The following DNAI4 variants were observed in gnomAD, a reference collection of about 807,000 sequenced individuals.
DNAI4 encodes dynein axonemal intermediate chain 4.
DNAI4 carries 85 observed loss-of-function variants against 105.8 expected under a neutral mutation model. The ratio of observed to expected loss-of-function variants is 0.80; its 90% CI spans 0.67 to 0.96. DNAI4 has a LOEUF of 0.96. DNAI4 is among the 40% of genes least tolerant of loss of function. The pLI is 0.00. For synonymous variants in DNAI4, 352 were observed against 331.5 expected (o/e 1.06, Z -0.67); for missense variants, 1,014 against 1,005.6 (o/e 1.01, Z -0.11).
intron 1 of DNAI4, among the ~76,000 whole-genome samples, chr1:66,905,958 C>G (rs535802737): frequency 2.4e-4 from 29 of 121,982 alleles, no homozygotes; most frequent in Admixed American, 9.1e-4. Flanking sequence ...GAGTCTCGCT[C>G]TGTCACCCTG....
chr1:66,870,790 CTT>C (rs1333270782), intron 6 of DNAI4: 1 of 100,906 alleles, frequency 9.9e-6, no homozygotes, highest in Non-Finnish European at 2.0e-5. Flanking sequence ...AAAAATATAA[CTT>C]TGCTTGTAAT....
intron 8 of DNAI4, among the ~76,000 whole-genome samples, chr1:66,844,447 C>T (rs1342157617): frequency 6.6e-6 from 1 of 151,974 alleles, no homozygotes; most frequent in Admixed American, 6.6e-5. Flanking sequence ...CCTATAATCC[C>T]AGCTACTAGG....
At chr1:66,909,240 C>T (rs1294810008) in intron 1 of DNAI4, among the ~76,000 whole-genome samples, 1 of 148,756 alleles carries the variant, frequency 6.7e-6, no homozygotes, top group Non-Finnish European at 1.5e-5. Context: ...TTAATTACAG[C>T]AAACCCTTGG....
intron 8 of DNAI4, among the ~76,000 whole-genome samples, chr1:66,845,190 C>CAAAAAAAAAAAAAAAAAA (rs59265844): frequency 9.4e-6 from 1 of 106,318 alleles, no homozygotes; most frequent in African/African-American, 4.0e-5. Flanking sequence ...AACTCCATCT[C>CAAAAAAAAAAAAAAAAAA]AAAAAAAAAA....
chr1:66,860,451 T>A (rs1646601677), intron 7 of DNAI4, among the ~76,000 whole-genome samples: 1 of 152,142 alleles, frequency 6.6e-6, no homozygotes, highest in South Asian at 2.1e-4. Context: ...GATCTGAATT[T>A]CCTTTACATT....
At chr1:66,846,750 G>C (rs921139977) in intron 8 of DNAI4, among the ~76,000 whole-genome samples, 3 of 152,182 alleles carry the variant, frequency 2.0e-5, no homozygotes, top group African/African-American at 7.2e-5. Flanking sequence ...TGGAACTTGA[G>C]ATCAAAAGAC....
At chr1:66,881,093 C>T (rs577408593) in intron 4 of DNAI4, among the ~76,000 whole-genome samples, 270 of 152,318 alleles carry the variant, frequency 1.8e-3, no homozygotes, top group Non-Finnish European at 2.6e-3. Flanking sequence ...TGAGAACCTC[C>T]CCCTAGATTT....
intron 6 of DNAI4, among the ~76,000 whole-genome samples, chr1:66,868,803 C>T (rs1048624950): frequency 6.6e-6 from 1 of 151,946 alleles, no homozygotes; most frequent in Admixed American, 6.6e-5. Flanking sequence ...ATTGGCCAGG[C>T]ACAGTGGCTC....
chr1:66,823,177 C>G (rs562933261), intron 15 of DNAI4, among the ~76,000 whole-genome samples: 1 of 135,538 alleles, frequency 7.4e-6, no homozygotes, highest in South Asian at 2.7e-4. Flanking sequence ...TTTGTTCTTG[C>G]GATAGTTTGC....
chr1:66,843,443 A>T (rs1261113113), intron 8 of DNAI4, among the ~76,000 whole-genome samples: 2 of 152,172 alleles, frequency 1.3e-5, no homozygotes, highest in Non-Finnish European at 2.9e-5. Flanking sequence ...GTAATGTATC[A>T]GAAATGTCTT....
intron 7 of DNAI4, chr1:66,847,923 G>A (rs994421298): frequency 7.0e-5 from 31 of 446,000 alleles, no homozygotes; most frequent in Non-Finnish European, 9.5e-5. Context: ...AACCTCCAGA[G>A]GTAATTTTTG....
chr1:66,863,972 T>G (rs1255147186), intron 6 of DNAI4, among the ~76,000 whole-genome samples: 2 of 152,220 alleles, frequency 1.3e-5, no homozygotes, highest in Non-Finnish European at 2.9e-5. Flanking sequence ...ACTGAAAGTT[T>G]AGTAAGTTTA....
intron 9 of DNAI4, among the ~76,000 whole-genome samples, 200 bp downstream of exon 9, chr1:66,840,269 G>A (rs1010107814): frequency 2.0e-5 from 3 of 152,028 alleles, no homozygotes; most frequent in African/African-American, 7.3e-5. Context: ...CTATATTAAA[G>A]GGGAAAAACA....
In DNAI4 at chr1:66,813,424, T is replaced by G. The variant is rs1645454030; in HGVS notation, c.*706A>C. The stretch of plus-strand genomic sequence containing the variant: ...GGCCTATAGATCAGAGACTTTATAT[T>G]TTCTATCTGGGTCCACTGAAGTCTG... On this transcript the variant is annotated 3_prime_UTR_variant, in exon 17 of 17. Coordinates refer to ENST00000371026, the MANE Select transcript of DNAI4 (RefSeq NM_024763.5). 1 of 152,320 alleles carries G rather than the reference T, an allele frequency of 6.6e-6. No homozygotes were observed. Among genetic ancestry groups the G allele is most frequent in the Admixed American group, 6.5e-5 (1 of 15,274 alleles). 9.4% of individuals were successfully genotyped at this position (152,320 alleles called of 1,614,324 possible).
At chr1:66,876,936 G>C (rs964634875) in intron 4 of DNAI4, among the ~76,000 whole-genome samples, 2 of 152,208 alleles carry the variant, frequency 1.3e-5, no homozygotes, top group African/African-American at 4.8e-5. Flanking sequence ...GAGTCCTGAA[G>C]TGGTCTAGAA....
intron 7 of DNAI4, among the ~76,000 whole-genome samples, chr1:66,849,631 C>T (rs140286966): frequency 6.6e-6 from 1 of 152,114 alleles, no homozygotes; most frequent in East Asian, 1.9e-4. Context: ...AAAAATCATT[C>T]AACAAGTATT....
chr1:66,859,668 T>C (rs1333740247), intron 7 of DNAI4, among the ~76,000 whole-genome samples: 1 of 152,142 alleles, frequency 6.6e-6, no homozygotes, highest in Non-Finnish European at 1.5e-5. Context: ...GAGGCTTAAG[T>C]GCATATCGTT....
intron 6 of DNAI4, among the ~76,000 whole-genome samples, chr1:66,864,978 C>T (rs780115782): frequency 4.6e-5 from 7 of 152,188 alleles, no homozygotes; most frequent in Non-Finnish European, 8.8e-5. Context: ...ATTTCTTATC[C>T]TGGCTGGTGA....
intron 16 of DNAI4, among the ~76,000 whole-genome samples, chr1:66,820,183 A>G (rs1645596117): frequency 1.3e-5 from 2 of 152,170 alleles, no homozygotes. Context: ...ATCATGAAAA[A>G]GCCATTAGGA....
Sources: allele counts gnomAD v4.1 joint callset (sites outside exome capture counted in the v4.1 genomes callset), GRCh38; gene constraint gnomAD v4.1.1; transcripts MANE v1.5; gene names NCBI Gene and HGNC (gene_info 2026-07-23, HGNC 2026-07-21).